The following NLK variants were observed in gnomAD, a reference collection of about 807,000 sequenced individuals.
The protein encoded by NLK is serine/threonine-protein kinase NLK.
Under a neutral mutation model 59.0 loss-of-function variants are expected in NLK, and 11 were observed. That is an observed-to-expected ratio of 0.19 (90% CI 0.12 to 0.31). The LOEUF (loss-of-function observed/expected upper bound fraction) is 0.31. Ranked by LOEUF, NLK falls within the 10% of genes least tolerant of loss-of-function variation. The pLI, the probability that NLK is intolerant of heterozygous loss-of-function variation, is 1.00. For missense variants in NLK, 410 were observed against 661.1 expected, an observed-to-expected ratio of 0.62 and a Z score of 4.16; for synonymous variants, 235 against 235.9, an observed-to-expected ratio of 1.00 and a Z score of 0.03.
At chr17:28,093,794 C>T (rs1426330077) in intron 1 of NLK, among the ~76,000 whole-genome samples, 3 of 152,200 alleles carry the variant, frequency 2.0e-5, no homozygotes, top group Non-Finnish European at 1.5e-5. Context: ...GAAAATTGCA[C>T]ACCAAAGACT....
At position 28,174,433 on chromosome 17, in the gene NLK, C is replaced by G. The variant is rs113016504; in HGVS notation, c.1149+1815C>G. On this transcript the variant is annotated intron_variant, in intron 7 of 10. Transcript: ENST00000407008. ...AAAGTTAGGGGCAGCCCTTTCCAGT[C>G]TTGGTGTCGGCATATTTTGATTTTG... 6.6e-3 allele frequency among the ~76,000 whole-genome samples: 998 copies of G among 152,128 alleles called. 17 individuals are homozygous for G. Among genetic ancestry groups the G allele is most frequent in the African/African-American group, 0.022 (929 of 41,480 alleles).
At chr17:28,147,604 CTT>C (rs1271357953) in intron 3 of NLK, among the ~76,000 whole-genome samples, 3 of 152,132 alleles carry the variant, frequency 2.0e-5, no homozygotes, top group Non-Finnish European at 4.4e-5. Flanking sequence ...TGCCCATAAT[CTT>C]TTTTGCGTCA....
intron 7 of NLK, among the ~76,000 whole-genome samples, chr17:28,182,399 C>T (rs560893895): frequency 4.6e-5 from 7 of 152,208 alleles, no homozygotes; most frequent in African/African-American, 1.4e-4. Flanking sequence ...CCAAGGAAAC[C>T]TTTTAGTGTT....
intron 3 of NLK, among the ~76,000 whole-genome samples, chr17:28,147,937 A>G (rs1158961036): frequency 6.6e-6 from 1 of 152,232 alleles, no homozygotes; most frequent in Non-Finnish European, 1.5e-5. Context: ...AGAAGCTTCC[A>G]TAATTTTAAT....
At chr17:28,136,450 G>A (rs1906750986) in intron 3 of NLK, among the ~76,000 whole-genome samples, 1 of 152,144 alleles carries the variant, frequency 6.6e-6, no homozygotes, top group South Asian at 2.1e-4. Context: ...GACTTTTTAG[G>A]AAGGAATGAT....
At chr17:28,113,897 C>G (rs1474187446) in intron 1 of NLK, among the ~76,000 whole-genome samples, 1 of 152,218 alleles carries the variant, frequency 6.6e-6, no homozygotes, top group Admixed American at 6.5e-5. Flanking sequence ...CTTCCTTTCC[C>G]GACAGTTTCT....
chr17:28,185,088 C>G, intron 7 of NLK, 91 bp from the exon 8 acceptor site: 1 of 581,084 alleles, frequency 1.7e-6, no homozygotes, highest in East Asian at 3.2e-5. Flanking sequence ...GCCTTTTGAA[C>G]TGAGTACTTA....
chr17:28,163,515 C>A, intron 4 of NLK, 28 bp from the exon 5 acceptor site: 2 of 1,297,886 alleles, frequency 1.5e-6, no homozygotes, highest in African/African-American at 1.5e-5. Context: ...AATTAAATAT[C>A]TGCAATTAAA....
chr17:28,158,091 T>C (rs1197367072), intron 3 of NLK, among the ~76,000 whole-genome samples: 1 of 152,006 alleles, frequency 6.6e-6, no homozygotes, highest in Admixed American at 6.6e-5. Context: ...CTGTGCAAGG[T>C]GATAGCAAAT....
chr17:28,202,060 AAC>A, the NLK span, among the ~76,000 whole-genome samples: 1 of 152,050 alleles, frequency 6.6e-6, no homozygotes, highest in Non-Finnish European at 1.5e-5. Context: ...GATAGAGAAA[AAC>A]TATGTGACAA....
chr17:28,046,614 C>G (rs1909063786), intron 1 of NLK, among the ~76,000 whole-genome samples: 1 of 152,102 alleles, frequency 6.6e-6, no homozygotes, highest in Non-Finnish European at 1.5e-5. Context: ...ATAAATCTAC[C>G]TTTTTGTCTG....
intron 1 of NLK, among the ~76,000 whole-genome samples, chr17:28,096,352 G>A (rs539957229): frequency 6.6e-6 from 1 of 152,238 alleles, no homozygotes; most frequent in East Asian, 1.9e-4. Context: ...CCATAGTTAA[G>A]CCAAGAAAAT....
At chr17:28,185,105 C>T in intron 7 of NLK, 74 bp from the exon 8 acceptor site, 1 of 788,114 alleles carries the variant, frequency 1.3e-6, no homozygotes, top group Middle Eastern at 2.3e-4. Context: ...CTTACCTTAT[C>T]ATAAATTGGC....
At chr17:28,145,646 T>C (rs1300697229) in intron 3 of NLK, among the ~76,000 whole-genome samples, 1 of 152,176 alleles carries the variant, frequency 6.6e-6, no homozygotes, top group African/African-American at 2.4e-5. Flanking sequence ...TTCTCCTTCT[T>C]CATTGATGAT....
chr17:28,205,620 G>A, the NLK span, among the ~76,000 whole-genome samples: 1 of 152,024 alleles, frequency 6.6e-6, no homozygotes, highest in African/African-American at 2.4e-5. Flanking sequence ...TTTGTTTCTT[G>A]ATGGATACTT....
At chr17:28,064,173 A>ATTTTT (rs1177323639) in intron 1 of NLK, among the ~76,000 whole-genome samples, 1 of 102,718 alleles carries the variant, frequency 9.7e-6, no homozygotes. Context: ...AAGTTAGCAA[A>ATTTTT]CTTTTTTTTT....
intron 1 of NLK, among the ~76,000 whole-genome samples, chr17:28,099,028 A>G (rs1240268590): frequency 6.6e-6 from 1 of 152,032 alleles, no homozygotes; most frequent in Non-Finnish European, 1.5e-5. Flanking sequence ...TTGTTTCTGT[A>G]GTAAACATTT....
At chr17:28,077,902 C>T (rs1433882672) in intron 1 of NLK, among the ~76,000 whole-genome samples, 1 of 151,976 alleles carries the variant, frequency 6.6e-6, no homozygotes, top group East Asian at 1.9e-4. Context: ...TTCTTTTTAA[C>T]AAATATATAG....
At chr17:28,114,987 A>G (rs1047583057) in intron 1 of NLK, among the ~76,000 whole-genome samples, 5 of 152,204 alleles carry the variant, frequency 3.3e-5, no homozygotes, top group Non-Finnish European at 5.9e-5. Context: ...GGAAGAATAA[A>G]GGGAAGAGAT....
Sources: allele counts gnomAD v4.1 joint callset (sites outside exome capture counted in the v4.1 genomes callset), GRCh38; gene constraint gnomAD v4.1.1; transcripts MANE v1.5; gene names NCBI Gene and HGNC (gene_info 2026-07-23, HGNC 2026-07-21).